NAALADL2: variants seen among roughly 807,000 people sequenced by gnomAD.
NAALADL2 encodes the protein inactive N-acetylated-alpha-linked acidic dipeptidase-like protein 2.
In NAALADL2, 76 loss-of-function variants were observed where a neutral mutation model predicts 87.2. That is an observed-to-expected ratio of 0.87 (90% CI 0.72 to 1.05). The LOEUF (loss-of-function observed/expected upper bound fraction) is 1.05. Among genes scored for constraint, NAALADL2 ranks in the 50% least tolerant of loss-of-function variants. The probability of loss-of-function intolerance (pLI) is 0.00; values close to 1 mark genes in which losing one functional copy is unlikely to be tolerated. For synonymous variants in NAALADL2, 354 were observed against 331.0 expected (o/e 1.07, Z -0.75); for missense variants, 1,089 against 945.8 (o/e 1.15, Z -1.99).
chr3:174,984,790 ATAGT>A (rs1420056025), intron 1 of NAALADL2, among the ~76,000 whole-genome samples: 1 of 152,214 alleles, frequency 6.6e-6, no homozygotes, highest in Non-Finnish European at 1.5e-5. Context: ...AAGGGAGAAG[ATAGT>A]TTGTTCAAGA....
Position 175,466,842 on chromosome 3 carries a change from A to T in NAALADL2, c.1328-137A>T. 13 of 720,128 alleles carry T rather than the reference A, an allele frequency of 1.8e-5. No homozygotes were observed. The South Asian group carries it at 2.2e-4, about 12-fold the overall frequency. 44.6% of individuals were successfully genotyped at this position (720,128 alleles called of 1,614,324 possible). ...TGTGAATTAAGACAGTGAGCAAAAA[A>T]ATTAAAGTAGTCTTAATTATTAGAG... On this transcript the variant is annotated intron_variant, in intron 7 of 13. Coordinates refer to ENST00000454872, the MANE Select transcript of NAALADL2 (RefSeq NM_207015.3).
intron 4 of NAALADL2, among the ~76,000 whole-genome samples, chr3:175,306,679 C>G (rs1199842487): frequency 6.6e-6 from 1 of 151,982 alleles, no homozygotes; most frequent in Admixed American, 6.6e-5. Flanking sequence ...TACAAACAAA[C>G]AAACAAACAA....
intron 4 of NAALADL2, among the ~76,000 whole-genome samples, chr3:175,274,987 T>C (rs1282429239): frequency 1.3e-5 from 2 of 152,222 alleles, no homozygotes; most frequent in African/African-American, 4.8e-5. Flanking sequence ...CTAAGAGGTA[T>C]AATGTGAAAC....
intron 5 of NAALADL2, among the ~76,000 whole-genome samples, chr3:175,383,276 T>G (rs1033078026): frequency 1.3e-5 from 2 of 152,064 alleles, no homozygotes; most frequent in African/African-American, 4.8e-5. Context: ...ACATTAGATC[T>G]TATTCCTTTT....
chr3:174,903,019 C>A (rs531867991), intron 1 of NAALADL2, among the ~76,000 whole-genome samples: 1 of 152,076 alleles, frequency 6.6e-6, no homozygotes, highest in Non-Finnish European at 1.5e-5. Context: ...TATATGTTGA[C>A]AGTTGTATTC....
At chr3:175,492,997 AT>A (rs1166220184) in intron 9 of NAALADL2, among the ~76,000 whole-genome samples, 1 of 152,120 alleles carries the variant, frequency 6.6e-6, no homozygotes, top group East Asian at 1.9e-4. Flanking sequence ...AATTATGTTT[AT>A]AACAGATATT....
At chr3:175,491,097 A>G (rs953120633) in intron 9 of NAALADL2, among the ~76,000 whole-genome samples, 12 of 149,238 alleles carry the variant, frequency 8.0e-5, no homozygotes, top group African/African-American at 2.9e-4. Flanking sequence ...AGAACATTCA[A>G]TGGCTGCCAC....
chr3:174,849,727 T>A (rs1291222479), intron 3 of NAALADL2, among the ~76,000 whole-genome samples: 7 of 106,488 alleles, frequency 6.6e-5, no homozygotes, highest in South Asian at 3.3e-4. Context: ...AGAGCGAGAC[T>A]CTGACTCAAA....
chr3:174,717,909 T>G (rs574944772), intron 2 of NAALADL2, among the ~76,000 whole-genome samples: 2 of 152,244 alleles, frequency 1.3e-5, no homozygotes, highest in East Asian at 3.9e-4. Context: ...GCAGATCACC[T>G]GAAGTCAGGA....
chr3:174,799,881 ATGT>A (rs1718603756), intron 3 of NAALADL2, among the ~76,000 whole-genome samples: 1 of 152,168 alleles, frequency 6.6e-6, no homozygotes, highest in Non-Finnish European at 1.5e-5. Flanking sequence ...GATGAGAAAC[ATGT>A]TGGGAGCTGG....
chr3:175,238,919 C>A (rs1002458056), intron 3 of NAALADL2, among the ~76,000 whole-genome samples: 1 of 152,186 alleles, frequency 6.6e-6, no homozygotes, highest in African/African-American at 2.4e-5. Flanking sequence ...AAGCTTCCCA[C>A]AACTTTTTGC....
chr3:174,939,906 C>G (rs1402637679), intron 1 of NAALADL2, among the ~76,000 whole-genome samples: 1 of 151,924 alleles, frequency 6.6e-6, no homozygotes, highest in Non-Finnish European at 1.5e-5. Context: ...AACTTTTGTC[C>G]CAAGACTATG....
Position 174,475,553 on chromosome 3 carries a change from C to T in NAALADL2, c.-184+34521C>T, listed in dbSNP as rs115685943. Among the ~76,000 whole-genome samples the T allele has an allele frequency of 5.0e-3, 757 of 151,870 alleles. 8 individuals are homozygous for T. Among genetic ancestry groups the T allele is most frequent in the African/African-American group, 0.018 (731 of 41,478 alleles). The stretch of plus-strand genomic sequence containing the variant: ...TTCTAATTAATCTTGCAAACTGTAA[C>T]GTGTAAGAATCACATACTCTGAAAT... On this transcript the variant is annotated intron_variant, in intron 1 of 3. Coordinates refer to the NAALADL2 transcript ENST00000434257.
intron 4 of NAALADL2, among the ~76,000 whole-genome samples, chr3:175,259,891 G>T (rs1006887829): frequency 6.6e-6 from 1 of 152,056 alleles, no homozygotes; most frequent in Non-Finnish European, 1.5e-5. Flanking sequence ...AGCTGGGTGT[G>T]GTGGTGCGCA....
chr3:175,718,380 T>G lies in NAALADL2; in HGVS notation c.1897-18926T>G, dbSNP rs374506509. 1.4e-4 allele frequency: 230 copies of G among 1,595,972 alleles called. 1 individual carries two copies. The East Asian group carries it at 3.5e-3, about 24-fold the overall frequency. On this transcript the variant is annotated intron_variant, in intron 11 of 13. Coordinates refer to ENST00000454872, the MANE Select transcript of NAALADL2 (RefSeq NM_207015.3). Reference sequence around the variant, plus strand: ...TATGCTCTTGGGTCCACCACTCCATTAGAACTATTTACTCCATTCATATTA... The same window carrying G: ...TATGCTCTTGGGTCCACCACTCCATGAGAACTATTTACTCCATTCATATTA...
intron 3 of NAALADL2, among the ~76,000 whole-genome samples, chr3:174,791,357 T>C (rs1029833173): frequency 6.6e-6 from 1 of 152,096 alleles, no homozygotes; most frequent in Non-Finnish European, 1.5e-5. Flanking sequence ...CCTTCATGAA[T>C]GGGATTAGTG....
chr3:174,727,196 GT>G lies in NAALADL2; in HGVS notation c.-114-10436del, dbSNP rs1411990269. Among the ~76,000 whole-genome samples, 491 of 138,726 alleles carry G rather than the reference GT, an allele frequency of 3.5e-3. 2 individuals are homozygous for G. Among genetic ancestry groups the G allele is most frequent in the African/African-American group, 0.012 (441 of 37,544 alleles). The allele number at this position is 138,726 out of a possible 152,430, so 91.0% of individuals were successfully genotyped here. ...TCTGTGAGAAAAATGTTGTTTTCTT[GT>G]TTTTTTTTCAATATTTTGACTATAC... On this transcript the variant is annotated intron_variant, in intron 2 of 3. Transcript: ENST00000434257.
intron 5 of NAALADL2, among the ~76,000 whole-genome samples, chr3:175,409,613 T>G (rs1265851242): frequency 6.6e-6 from 1 of 151,630 alleles, no homozygotes; most frequent in Non-Finnish European, 1.5e-5. Context: ...AGGAAAACAT[T>G]TTTTTTACCA....
At chr3:174,788,286 A>G (rs1008642896) in intron 3 of NAALADL2, among the ~76,000 whole-genome samples, 1 of 149,512 alleles carries the variant, frequency 6.7e-6, no homozygotes, top group East Asian at 1.9e-4. Context: ...CAGATGTGAC[A>G]TTATTGGGTA....
Sources: allele counts gnomAD v4.1 joint callset (sites outside exome capture counted in the v4.1 genomes callset), GRCh38; gene constraint gnomAD v4.1.1; transcripts MANE v1.5; gene names NCBI Gene and HGNC (gene_info 2026-07-23, HGNC 2026-07-21).